HDAC9: variants seen among roughly 807,000 people sequenced by gnomAD.
HDAC9 encodes MEF-2 interacting transcription repressor (MITR) protein.
Under a neutral mutation model 139.4 loss-of-function variants are expected in HDAC9, and 41 were observed. The ratio of observed to expected loss-of-function variants is 0.29; its 90% CI spans 0.23 to 0.38. The LOEUF (loss-of-function observed/expected upper bound fraction) is 0.38, where lower values mean the gene tolerates loss of function less well. Ranked by LOEUF, HDAC9 falls within the 10% of genes least tolerant of loss-of-function variation. The pLI is 1.00. For synonymous variants in HDAC9, 517 were observed against 476.2 expected, an observed-to-expected ratio of 1.09 and a Z score of -1.12; for missense variants, 1,147 against 1,297.0, an observed-to-expected ratio of 0.88 and a Z score of 1.78.
chr7:18,854,113 T>C (rs528517979), intron 21 of HDAC9, among the ~76,000 whole-genome samples: 19 of 152,318 alleles, frequency 1.2e-4, no homozygotes, highest in African/African-American at 4.6e-4. Flanking sequence ...ATAAAACTTC[T>C]ATTTTAAAAA....
intron 12 of HDAC9, chr7:18,667,119 A>C: frequency 1.0e-6 from 1 of 985,198 alleles, no homozygotes; most frequent in Non-Finnish European, 1.2e-6. Context: ...AAATATATAG[A>C]TGCAAATTGC....
chr7:18,392,360 A>G (rs555490654), intron 1 of HDAC9, among the ~76,000 whole-genome samples: 27 of 144,886 alleles, frequency 1.9e-4, no homozygotes, highest in African/African-American at 6.2e-4. Context: ...CACTGTCTAT[A>G]TCTAATCTCT....
chr7:18,824,674 G>A (rs1795276955), intron 17 of HDAC9, among the ~76,000 whole-genome samples: 1 of 152,172 alleles, frequency 6.6e-6, no homozygotes, highest in African/African-American at 2.4e-5. Context: ...ATATTGAATG[G>A]ATTGTGTGCA....
At chr7:18,405,547 T>C (rs1787929735) in intron 1 of HDAC9, among the ~76,000 whole-genome samples, 1 of 152,166 alleles carries the variant, frequency 6.6e-6, no homozygotes, top group African/African-American at 2.4e-5. Context: ...GAGCAACTTT[T>C]GTTCATCAAA....
At chr7:18,890,885 A>G (rs1346441866) in intron 22 of HDAC9, among the ~76,000 whole-genome samples, 1 of 152,228 alleles carries the variant, frequency 6.6e-6, no homozygotes, top group Non-Finnish European at 1.5e-5. Context: ...AGACAAAGGT[A>G]AGCCCAGAGA....
intron 1 of HDAC9, among the ~76,000 whole-genome samples, chr7:18,292,910 G>A (rs1055660802): frequency 1.3e-5 from 2 of 152,100 alleles, no homozygotes; most frequent in Non-Finnish European, 1.5e-5. Flanking sequence ...TGCAAAAATA[G>A]AACTGAATGT....
chr7:18,219,667 G>T (rs1360280117), intron 2 of HDAC9, among the ~76,000 whole-genome samples: 3 of 152,050 alleles, frequency 2.0e-5, no homozygotes, highest in African/African-American at 4.8e-5. Context: ...AAAGTTTCCT[G>T]CCCAGGACTT....
intron 1 of HDAC9, among the ~76,000 whole-genome samples, chr7:18,324,160 G>A (rs1800256488): frequency 6.6e-6 from 1 of 152,078 alleles, no homozygotes; most frequent in African/African-American, 2.4e-5. Context: ...ACTACACAAA[G>A]TGGAGGGGAG....
chr7:18,551,241 A>G (rs1165576474), intron 2 of HDAC9, among the ~76,000 whole-genome samples: 2 of 152,194 alleles, frequency 1.3e-5, no homozygotes, highest in Admixed American at 1.3e-4. Flanking sequence ...ATCTTTTTTT[A>G]GATATGGTAA....
At chr7:18,991,469 C>G (rs1373031911) in intron 25 of HDAC9, among the ~76,000 whole-genome samples, 1 of 152,108 alleles carries the variant, frequency 6.6e-6, no homozygotes, top group Admixed American at 6.5e-5. Flanking sequence ...AACCCTGTCT[C>G]TACTAAAAAT....
At chr7:18,271,287 A>G (rs898476525) in intron 2 of HDAC9, among the ~76,000 whole-genome samples, 1 of 152,194 alleles carries the variant, frequency 6.6e-6, no homozygotes, top group East Asian at 1.9e-4. Context: ...TATATACTCT[A>G]TGTATTGATT....
intron 14 of HDAC9, among the ~76,000 whole-genome samples, chr7:18,753,043 C>T (rs1035893476): frequency 4.0e-5 from 6 of 151,880 alleles, no homozygotes; most frequent in African/African-American, 4.8e-5. Flanking sequence ...TGTATCCATT[C>T]GATGATGTTT....
chr7:18,184,036 C>T (rs929145801), intron 2 of HDAC9, among the ~76,000 whole-genome samples: 7 of 152,126 alleles, frequency 4.6e-5, no homozygotes, highest in Non-Finnish European at 1.0e-4. Flanking sequence ...TATTCCTCAT[C>T]TGACATGCTT....
chr7:18,813,614 A>G (rs1012413890), intron 17 of HDAC9, among the ~76,000 whole-genome samples: 1 of 152,162 alleles, frequency 6.6e-6, no homozygotes, highest in African/African-American at 2.4e-5. Context: ...CCACTGCTGA[A>G]AAGCTACCTA....
intron 12 of HDAC9, among the ~76,000 whole-genome samples, chr7:18,716,471 T>C (rs1049408297): frequency 2.0e-5 from 3 of 152,180 alleles, no homozygotes; most frequent in Non-Finnish European, 1.5e-5. Flanking sequence ...AAATATCTAT[T>C]GATTTAAAGT....
At chr7:18,286,800 AT>A, upstream of HDAC9, among the ~76,000 whole-genome samples, 1 of 152,184 alleles carries the variant, frequency 6.6e-6, no homozygotes, top group Non-Finnish European at 1.5e-5. Flanking sequence ...GGTTAACTTT[AT>A]TATTATTGCT....
At chr7:18,177,152 A>AC (rs1788981864) in intron 2 of HDAC9, among the ~76,000 whole-genome samples, 2 of 152,188 alleles carry the variant, frequency 1.3e-5, no homozygotes, top group Non-Finnish European at 2.9e-5. Context: ...GCCTAAGTCC[A>AC]GAAAAGATTT....
intron 2 of HDAC9, among the ~76,000 whole-genome samples, chr7:18,273,201 G>A (rs1452466140): frequency 6.6e-6 from 1 of 151,284 alleles, no homozygotes; most frequent in Non-Finnish European, 1.5e-5. Flanking sequence ...TGAGTAGCTA[G>A]GACTACAGGC....
At chr7:18,775,046 G>A (rs572674287) in intron 16 of HDAC9, among the ~76,000 whole-genome samples, 1 of 152,082 alleles carries the variant, frequency 6.6e-6, no homozygotes, top group Non-Finnish European at 1.5e-5. Context: ...TTAGGGAATA[G>A]GGAGGCCTGA....
Sources: gnomAD v4.1 joint callset for allele counts (sites outside exome capture counted in the v4.1 genomes callset) on GRCh38, gnomAD v4.1.1 for gene constraint, MANE v1.5 for transcripts, NCBI Gene and HGNC (gene_info 2026-07-23, HGNC 2026-07-21) for gene names.